The following EVI5 variants were observed in gnomAD, a reference collection of about 807,000 sequenced individuals.
EVI5 encodes ecotropic viral integration site 5 protein homolog.
EVI5 carries 73 observed loss-of-function variants against 112.0 expected under a neutral mutation model. The observed-to-expected ratio is 0.65, with a 90% CI of 0.54 to 0.79. EVI5 has a LOEUF of 0.79. Among genes scored for constraint, EVI5 ranks in the 30% least tolerant of loss-of-function variants. The probability of loss-of-function intolerance (pLI) is 0.00; values close to 1 mark genes in which losing one functional copy is unlikely to be tolerated. For missense variants in EVI5, 900 were observed against 968.8 expected (o/e 0.93, Z 0.94); for synonymous variants, 305 against 319.9 (o/e 0.95, Z 0.50).
intron 18 of EVI5, among the ~76,000 whole-genome samples, chr1:92,564,602 T>TC (rs1217657492): frequency 2.0e-5 from 3 of 152,170 alleles, no homozygotes; most frequent in Non-Finnish European, 4.4e-5. Flanking sequence ...GGGACTATTT[T>TC]CTAGGGATAT....
intron 1 of EVI5, among the ~76,000 whole-genome samples, chr1:92,778,055 C>A (rs1294699025): frequency 6.6e-6 from 1 of 151,962 alleles, no homozygotes; most frequent in Non-Finnish European, 1.5e-5. Context: ...ACTACAGGCG[C>A]ACGCCACCAC....
chr1:92,608,969 AATGAG>A (rs763886630), intron 16 of EVI5, among the ~76,000 whole-genome samples: 5 of 152,220 alleles, frequency 3.3e-5, no homozygotes, highest in Admixed American at 6.5e-5. Flanking sequence ...TTCAGAATTA[AATGAG>A]ATAATATGCG....
chr1:92,772,799 G>C (rs1006285859), intron 1 of EVI5, among the ~76,000 whole-genome samples: 1 of 151,722 alleles, frequency 6.6e-6, no homozygotes, highest in Admixed American at 6.6e-5. Flanking sequence ...CCAGCTACTC[G>C]GGAGGCTGAG....
chr1:92,649,216 T>C (rs1661608601), intron 13 of EVI5, among the ~76,000 whole-genome samples: 1 of 152,222 alleles, frequency 6.6e-6, no homozygotes, highest in Non-Finnish European at 1.5e-5. Context: ...ACTTTATAAC[T>C]GGGTTGTCTT....
At chr1:92,526,340 T>A (rs983374520) in intron 19 of EVI5, among the ~76,000 whole-genome samples, 1 of 152,230 alleles carries the variant, frequency 6.6e-6, no homozygotes, top group African/African-American at 2.4e-5. Flanking sequence ...ATTACAGGCA[T>A]AAGCCGCCGT....
rs568972559 is a variant in EVI5, at chr1:92,785,021, C to A, written c.-267G>T. 1.0e-6 allele frequency: 1 copy of A among 985,602 alleles called. No individual in the cohort carries two copies. The highest frequency in any genetic ancestry group is 4.7e-5 in the South Asian group (1 of 21,286). 61.1% of individuals were successfully genotyped at this position (985,602 alleles called of 1,614,324 possible). A position where few individuals can be genotyped will look rare whatever the true frequency, so the allele number is the denominator to read the frequency against. On this transcript the variant is annotated 5_prime_UTR_variant, in exon 1 of 20. Coordinates refer to ENST00000684568, the MANE Select transcript of EVI5 (RefSeq NM_001350197.2). ...CGCGACCCTCACCTACCCCTCCCGG[C>A]ACCGCCGCTGTCGGAACTGCAGCCA...
At chr1:92,672,818 C>A (rs1240941999) in intron 10 of EVI5, among the ~76,000 whole-genome samples, 1 of 151,918 alleles carries the variant, frequency 6.6e-6, no homozygotes, top group Middle Eastern at 3.2e-3. Context: ...GTTTGATATG[C>A]CAGAGAAAAA....
At chr1:92,725,150 T>C (rs916841521) in intron 2 of EVI5, among the ~76,000 whole-genome samples, 14 of 152,104 alleles carry the variant, frequency 9.2e-5, no homozygotes, top group Non-Finnish European at 2.9e-5. Context: ...CCATCAAATA[T>C]TCAGCTGGGA....
chr1:92,755,509 T>G (rs114417856), intron 1 of EVI5, among the ~76,000 whole-genome samples: 757 of 152,330 alleles, frequency 5.0e-3, no homozygotes, highest in African/African-American at 0.017. Flanking sequence ...CTGAATACAT[T>G]CATTCATACA....
At chr1:92,735,848 T>TTA (rs1193972732) in intron 2 of EVI5, among the ~76,000 whole-genome samples, 80 of 144,460 alleles carry the variant, frequency 5.5e-4, no homozygotes, top group East Asian at 3.9e-4. Flanking sequence ...ATAATATATA[T>TTA]TATATATATA....
intron 19 of EVI5, among the ~76,000 whole-genome samples, chr1:92,556,464 T>C (rs1667699904): frequency 6.6e-6 from 1 of 152,250 alleles, no homozygotes; most frequent in Admixed American, 6.5e-5. Flanking sequence ...ACTGTCATTT[T>C]AAGTAAGATG....
rs533885647 is a variant in EVI5 at position 92,535,768 on chromosome 1, G to T, written c.2167-21798C>A. Among the ~76,000 whole-genome samples the T allele has an allele frequency of 1.8e-3, 268 of 152,214 alleles. 1 individual carries two copies. The highest frequency in any genetic ancestry group is 5.9e-3 in the African/African-American group (244 of 41,514). On this transcript the variant is annotated intron_variant, in intron 19 of 19. Coordinates refer to ENST00000684568, the MANE Select transcript of EVI5 (RefSeq NM_001350197.2). ...ACACCGGGGCCTGTCGTGGGGTGGG[G>T]GGCTAGGGGAGGGATAGCATTAGGA...
chr1:92,788,497 AAAAC>A (rs565297751), upstream of EVI5, among the ~76,000 whole-genome samples: 2,051 of 141,224 alleles, frequency 0.015, 64 homozygotes, highest in African/African-American at 0.048. Context: ...AAAACAAAAC[AAAAC>A]AAAAAAAAAA....
chr1:92,605,524 T>A (rs1650187359), intron 17 of EVI5, 122 bp from the exon 18 acceptor site: 3 of 643,868 alleles, frequency 4.7e-6, no homozygotes, highest in Non-Finnish European at 8.2e-6. Context: ...TAAGGCAGCA[T>A]CCATAATGAA....
intron 16 of EVI5, among the ~76,000 whole-genome samples, chr1:92,612,834 T>C (rs1264312804): frequency 6.6e-6 from 1 of 150,636 alleles, no homozygotes; most frequent in Non-Finnish European, 1.5e-5. Context: ...GGCCACAAGC[T>C]AAGAATGATA....
At chr1:92,584,695 A>G (rs1465485406) in intron 18 of EVI5, among the ~76,000 whole-genome samples, 1 of 152,234 alleles carries the variant, frequency 6.6e-6, no homozygotes, top group Admixed American at 6.5e-5. Flanking sequence ...TTTTTGAAAC[A>G]GTTTCCTGTA....
At chr1:92,610,395 C>A (rs1413782594) in intron 16 of EVI5, among the ~76,000 whole-genome samples, 1 of 152,098 alleles carries the variant, frequency 6.6e-6, no homozygotes, top group Non-Finnish European at 1.5e-5. Flanking sequence ...GAACACAAGA[C>A]CATAATTCAA....
intron 19 of EVI5, among the ~76,000 whole-genome samples, chr1:92,518,587 C>G (rs985036509): frequency 2.6e-5 from 4 of 151,490 alleles, no homozygotes; most frequent in African/African-American, 9.7e-5. Context: ...TCACATATTA[C>G]CAGAGAATTC....
intron 2 of EVI5, among the ~76,000 whole-genome samples, chr1:92,713,790 C>A (rs1279635010): frequency 3.9e-5 from 6 of 152,008 alleles, no homozygotes; most frequent in African/African-American, 9.7e-5. Flanking sequence ...AATCAATAAA[C>A]CACTTCTTTT....
Sources: gnomAD v4.1 joint callset for allele counts (sites outside exome capture counted in the v4.1 genomes callset) on GRCh38, gnomAD v4.1.1 for gene constraint, MANE v1.5 for transcripts, NCBI Gene and HGNC (gene_info 2026-07-23, HGNC 2026-07-21) for gene names.